SGCZ: variants seen among roughly 807,000 people sequenced by gnomAD.
SGCZ encodes sarcoglycan zeta.
SGCZ carries 40 observed loss-of-function variants against 41.3 expected under a neutral mutation model. That is an observed-to-expected ratio of 0.97 (90% confidence interval 0.75 to 1.26). The LOEUF is 1.26. Among genes scored for constraint, SGCZ ranks in the 50% most tolerant of loss-of-function variants. The pLI is 0.00. For synonymous variants in SGCZ, 206 were observed against 137.5 expected (o/e 1.50, Z -3.49); for missense variants, 552 against 369.8 (o/e 1.49, Z -4.04).
intron 2 of SGCZ, among the ~76,000 whole-genome samples, chr8:14,479,731 C>CTTTTTTTT (rs529812029): frequency 0.016 from 851 of 52,722 alleles, 78 homozygotes; most frequent in East Asian, 0.025. Flanking sequence ...AATTCTACTT[C>CTTTTTTTT]TTTTTTTTTT....
At position 14,640,649 on chromosome 8, in the gene SGCZ, GGTGTGTGTGT is replaced by G. The variant is rs3068698; in HGVS notation, c.40-85733_40-85724del. On this transcript the variant is annotated intron_variant, in intron 1 of 7. Coordinates refer to ENST00000382080, the MANE Select transcript of SGCZ (RefSeq NM_139167.4). ...ATATATGTGCAAACATATATATAGGGGTGTGTGTGTGTGTGTGTGTGTGTATATATTTGCT... is the reference window on the plus strand; with the variant it reads ...ATATATGTGCAAACATATATATAGGGGTGTGTGTGTGTGTATATATTTGCT... 4.9e-3 allele frequency among the ~76,000 whole-genome samples: 731 copies of G among 149,982 alleles called. 6 individuals carry two copies. Among genetic ancestry groups the G allele is most frequent in the African/African-American group, 0.015 (613 of 40,908 alleles).
chr8:14,482,178 G>C (rs1025682611), intron 2 of SGCZ, among the ~76,000 whole-genome samples: 1 of 152,122 alleles, frequency 6.6e-6, no homozygotes, highest in Non-Finnish European at 1.5e-5. Context: ...TCCATCCCTG[G>C]TTCTAATATC....
chr8:14,643,862 A>C (rs949413758), intron 1 of SGCZ, among the ~76,000 whole-genome samples: 9 of 151,796 alleles, frequency 5.9e-5, no homozygotes, highest in African/African-American at 2.2e-4. Flanking sequence ...GTGCTGAATA[A>C]ATTAAGATAA....
At chr8:14,734,544 CCATTAGTCTTTTTAAAATGCTT>C (rs1398176320) in intron 1 of SGCZ, among the ~76,000 whole-genome samples, 1 of 151,944 alleles carries the variant, frequency 6.6e-6, no homozygotes, top group African/African-American at 2.4e-5. Context: ...GAATATTTGC[CCATTAGTCTTTTTAAAATGCTT>C]CACGTATGTA....
At chr8:14,643,389 C>T (rs1179971210) in intron 1 of SGCZ, among the ~76,000 whole-genome samples, 1 of 151,436 alleles carries the variant, frequency 6.6e-6, no homozygotes, top group Non-Finnish European at 1.5e-5. Flanking sequence ...ATGCAAGTAG[C>T]TCTGAATAAG....
intron 2 of SGCZ, among the ~76,000 whole-genome samples, chr8:14,370,181 G>T (rs111909751): frequency 6.6e-6 from 1 of 151,916 alleles, no homozygotes; most frequent in Non-Finnish European, 1.5e-5. Flanking sequence ...AAATAGGAAA[G>T]ACTAAATTGG....
chr8:14,578,045 C>G (rs566769286), intron 1 of SGCZ, among the ~76,000 whole-genome samples: 1 of 152,196 alleles, frequency 6.6e-6, no homozygotes. Flanking sequence ...CTTTCACAAT[C>G]CTTGTGCACC....
intron 1 of SGCZ, among the ~76,000 whole-genome samples, chr8:14,986,648 A>G (rs1200533460): frequency 6.6e-6 from 1 of 152,076 alleles, no homozygotes; most frequent in Non-Finnish European, 1.5e-5. Flanking sequence ...TCAATGTTTT[A>G]AAATTTTATA....
rs74943008 is a variant in SGCZ at position 14,436,368 on chromosome 8, G to T, written c.235-112164C>A. On this transcript the variant is annotated intron_variant, in intron 2 of 7. Transcript: ENST00000382080. ...GGTTTGTGTTCTTTGTTCTTCGCAT[G>T]AACTTTATTTTTTTCTGAGTTAGCA... Among the ~76,000 whole-genome samples, 594 of 152,290 alleles carry T rather than the reference G, an allele frequency of 3.9e-3. 6 individuals carry two copies. Among genetic ancestry groups the T allele is most frequent in the African/African-American group, 0.013 (542 of 41,560 alleles).
At chr8:14,906,931 T>C (rs1799135233) in intron 1 of SGCZ, among the ~76,000 whole-genome samples, 1 of 152,218 alleles carries the variant, frequency 6.6e-6, no homozygotes, top group African/African-American at 2.4e-5. Context: ...TTCAAATACA[T>C]ATACTTTAAA....
chr8:15,067,373 A>T (rs142700900), intron 1 of SGCZ, among the ~76,000 whole-genome samples: 206 of 152,304 alleles, frequency 1.4e-3, no homozygotes, highest in Non-Finnish European at 2.6e-3. Context: ...GAACTAGAAG[A>T]AATTATTTTA....
At chr8:15,059,666 T>C (rs1804843517) in intron 1 of SGCZ, among the ~76,000 whole-genome samples, 1 of 152,218 alleles carries the variant, frequency 6.6e-6, no homozygotes, top group Non-Finnish European at 1.5e-5. Context: ...ATACTTAACT[T>C]ATATATTTGT....
intron 1 of SGCZ, among the ~76,000 whole-genome samples, chr8:14,736,506 G>C (rs567101035): frequency 3.4e-4 from 52 of 152,074 alleles, no homozygotes; most frequent in African/African-American, 1.2e-3. Context: ...AAGTTTTGAG[G>C]TGCAGGTGGT....
At chr8:15,125,975 G>A (rs563178014) in intron 1 of SGCZ, among the ~76,000 whole-genome samples, 19 of 152,156 alleles carry the variant, frequency 1.2e-4, no homozygotes, top group South Asian at 4.1e-4. Flanking sequence ...GTGAAACCCC[G>A]TCTCCACTAA....
intron 1 of SGCZ, among the ~76,000 whole-genome samples, chr8:14,924,300 T>C (rs1024630379): frequency 3.9e-5 from 6 of 152,220 alleles, no homozygotes; most frequent in Admixed American, 3.9e-4. Flanking sequence ...TTTTCACTCC[T>C]GTTAATCTAT....
At chr8:14,221,668 G>T (rs1454803466) in intron 4 of SGCZ, among the ~76,000 whole-genome samples, 1 of 152,160 alleles carries the variant, frequency 6.6e-6, no homozygotes, top group Non-Finnish European at 1.5e-5. Flanking sequence ...GGGTGTGGTG[G>T]CTCATGCCTG....
At chr8:14,566,625 T>C (rs1312813549) in intron 1 of SGCZ, among the ~76,000 whole-genome samples, 1 of 152,242 alleles carries the variant, frequency 6.6e-6, no homozygotes, top group African/African-American at 2.4e-5. Context: ...CCTTCTTCTT[T>C]TGTTTTACAT....
chr8:14,228,201 A>G (rs1470853440), intron 4 of SGCZ, among the ~76,000 whole-genome samples: 4 of 152,142 alleles, frequency 2.6e-5, no homozygotes, highest in African/African-American at 9.6e-5. Context: ...TGCATGTTCC[A>G]TAAGACAATT....
intron 2 of SGCZ, among the ~76,000 whole-genome samples, chr8:14,529,834 A>G (rs1803070577): frequency 6.6e-6 from 1 of 152,106 alleles, no homozygotes; most frequent in African/African-American, 2.4e-5. Context: ...TCTTTATTGT[A>G]AAGATAATAA....
Sources: gnomAD v4.1 joint callset for allele counts (sites outside exome capture counted in the v4.1 genomes callset) on GRCh38, gnomAD v4.1.1 for gene constraint, MANE v1.5 for transcripts, NCBI Gene and HGNC (gene_info 2026-07-23, HGNC 2026-07-21) for gene names.